LRRC1: variants seen among roughly 807,000 people sequenced by gnomAD.
The protein encoded by LRRC1 is leucine-rich repeat-containing protein 1.
In LRRC1, 28 loss-of-function variants were observed where a neutral mutation model predicts 69.9. That is an observed-to-expected ratio of 0.40 (90% CI 0.30 to 0.55). LRRC1 has a LOEUF of 0.55. Ranked by LOEUF, LRRC1 falls within the 20% of genes least tolerant of loss-of-function variation. LRRC1 has a pLI of 0.47. For synonymous variants in LRRC1, 236 were observed against 240.2 expected (o/e 0.98, Z 0.16); for missense variants, 498 against 609.0 (o/e 0.82, Z 1.92).
chr6:53,901,727 G>C (rs1768063155), intron 8 of LRRC1, among the ~76,000 whole-genome samples: 1 of 152,222 alleles, frequency 6.6e-6, no homozygotes, highest in African/African-American at 2.4e-5. Context: ...TGCAGAAAAT[G>C]CTAGTGGATC....
intron 10 of LRRC1, among the ~76,000 whole-genome samples, chr6:53,907,469 T>C (rs968088525): frequency 1.3e-5 from 2 of 152,252 alleles, no homozygotes; most frequent in Non-Finnish European, 2.9e-5. Context: ...GTTTGTACCA[T>C]GTGGGTCACA....
chr6:53,814,724 A>C (rs192833445), intron 1 of LRRC1, among the ~76,000 whole-genome samples: 1 of 152,358 alleles, frequency 6.6e-6, no homozygotes, highest in Admixed American at 6.5e-5. Context: ...CATTTCAGTT[A>C]GACCTTTGGT....
At chr6:53,803,368 A>G (rs1764541723) in intron 1 of LRRC1, among the ~76,000 whole-genome samples, 1 of 152,172 alleles carries the variant, frequency 6.6e-6, no homozygotes, top group South Asian at 2.1e-4. Flanking sequence ...CACCTATTTT[A>G]GGACTCTACC....
In LRRC1 at chr6:53,814,385, C is replaced by G. The variant is rs138043783; in HGVS notation, c.159+18970C>G. On this transcript the variant is annotated intron_variant, in intron 1 of 13. Coordinates refer to ENST00000370888, the MANE Select transcript of LRRC1 (RefSeq NM_018214.5). The stretch of plus-strand genomic sequence containing the variant: ...CTCAAATTTCAAAACACCATTGAAC[C>G]TCTTTGGGAATTATCCTCATGCCAC... Among the ~76,000 whole-genome samples the G allele has an allele frequency of 2.0e-3, 299 of 152,300 alleles. 4 individuals carry two copies. The East Asian group carries it at 0.041, about 21-fold the overall frequency.
chr6:53,886,583 A>T (rs574933335), intron 4 of LRRC1, among the ~76,000 whole-genome samples: 16 of 152,288 alleles, frequency 1.1e-4, no homozygotes, highest in African/African-American at 3.4e-4. Context: ...GTGCATTTGT[A>T]TGATTTTCAT....
intron 2 of LRRC1, among the ~76,000 whole-genome samples, chr6:53,862,289 G>A: frequency 1.7e-4 from 1 of 5,984 alleles, no homozygotes; most frequent in East Asian, 0.017. Flanking sequence ...CCTGAATCGT[G>A]TGTGTGTGTG....
chr6:53,799,438 C>T (rs1764402560), intron 1 of LRRC1, among the ~76,000 whole-genome samples: 1 of 152,160 alleles, frequency 6.6e-6, no homozygotes, highest in Non-Finnish European at 1.5e-5. Context: ...GGTAGATGGG[C>T]CCTGTTTCTT....
In LRRC1 at chr6:53,840,884, TTGTGTGTGTGTGTGTGTGTG is replaced by T. The variant is rs57491487; in HGVS notation, c.160-1201_160-1182del. 8.8e-5 allele frequency among the ~76,000 whole-genome samples: 11 copies of T among 125,298 alleles called. No homozygotes were observed. The East Asian group carries it at 1.7e-3, about 19-fold the overall frequency. The allele number at this position is 125,298 out of a possible 152,430, so 82.2% of individuals were successfully genotyped here. On this transcript the variant is annotated intron_variant, in intron 1 of 13. Coordinates refer to ENST00000370888, the MANE Select transcript of LRRC1 (RefSeq NM_018214.5). Reference sequence around the variant, plus strand: ...TCCTCTGGGGTGGGGGGGTATGTGTTTGTGTGTGTGTGTGTGTGTGTGTGTGTGTGTGTGTGTGTGTGTGC... The same window carrying T: ...TCCTCTGGGGTGGGGGGGTATGTGTTTGTGTGTGTGTGTGTGTGTGTGTGC...
intron 11 of LRRC1, chr6:53,919,290 A>T: frequency 7.3e-6 from 1 of 136,780 alleles, no homozygotes; most frequent in East Asian, 1.9e-4. Context: ...GGGAGAAGTG[A>T]GAGCAGAAAA....
chr6:53,833,404 A>ATAATG (rs1765488526), intron 1 of LRRC1, among the ~76,000 whole-genome samples: 1 of 152,210 alleles, frequency 6.6e-6, no homozygotes, highest in Admixed American at 6.5e-5. Flanking sequence ...ATTAATGGTG[A>ATAATG]CAGCTTAATA....
At chr6:53,845,573 C>T (rs1047582220) in intron 2 of LRRC1, among the ~76,000 whole-genome samples, 14 of 152,140 alleles carry the variant, frequency 9.2e-5, no homozygotes, top group African/African-American at 2.7e-4. Context: ...GTCCCTGCCC[C>T]GCCTCAGTGG....
At chr6:53,823,677 G>GT (rs1765176452) in intron 1 of LRRC1, among the ~76,000 whole-genome samples, 1 of 152,080 alleles carries the variant, frequency 6.6e-6, no homozygotes, top group African/African-American at 2.4e-5. Context: ...GTAGGCCCCA[G>GT]TATCTATTGT....
At chr6:53,861,852 T>C (rs1383490636) in intron 2 of LRRC1, among the ~76,000 whole-genome samples, 1 of 151,902 alleles carries the variant, frequency 6.6e-6, no homozygotes, top group Admixed American at 6.5e-5. Flanking sequence ...GGAGAACACA[T>C]AGTAGGATGT....
Position 53,892,011 on chromosome 6 carries a change from TACACACACACAC to T in LRRC1, c.447-4461_447-4450del, listed in dbSNP as rs70980877. 7.4e-5 allele frequency among the ~76,000 whole-genome samples: 10 copies of T among 135,376 alleles called. No individual in the cohort carries two copies. In the South Asian group the frequency reaches 7.5e-4, roughly 10 times the overall value. The allele number at this position is 135,376 out of a possible 152,430, so 88.8% of individuals were successfully genotyped here. ...TGTCTAAAAAAAAAATATATATATA[TACACACACACAC>T]ACACACACACACACACACACACACA... is the stretch of plus-strand genomic sequence containing the variant. On this transcript the variant is annotated intron_variant, in intron 4 of 13. Transcript: ENST00000370888.
chr6:53,902,452 T>C (rs1253304510), intron 8 of LRRC1, among the ~76,000 whole-genome samples, 177 bp from the exon 9 acceptor site: 2 of 152,220 alleles, frequency 1.3e-5, no homozygotes, highest in East Asian at 3.8e-4. Context: ...CAAATTATTT[T>C]AACTCCCAAC....
At chr6:53,855,058 GGTGA>G (rs1766267358) in intron 2 of LRRC1, among the ~76,000 whole-genome samples, 1 of 152,312 alleles carries the variant, frequency 6.6e-6, no homozygotes, top group African/African-American at 2.4e-5. Context: ...TGAAGAAAGA[GGTGA>G]GTAAGCAGTT....
Position 53,922,771 on chromosome 6 carries a change from A to G in LRRC1, c.1553A>G (p.Asp518Gly). Residue 518 changes from aspartate to glycine, a missense_variant, in exon 14 of 14, where the codon GAC becomes GGC. Asp to Gly is a moderately conservative substitution (Grantham distance 94). Coordinates refer to ENST00000370888, the MANE Select transcript of LRRC1 (RefSeq NM_018214.5). ...AAAAACGAGGTCAATCATGCCATTG[A>G]CCGAGTGACCACTTCTGTGTAGAGT... Reference protein sequence around the residue: ...SNKNEVNHAIDRVTTSV With the variant: ...SNKNEVNHAIGRVTTSV 1.9e-6 allele frequency: 3 copies of G among 1,613,972 alleles called. No individual in the cohort carries two copies. The highest frequency in any genetic ancestry group is 8.5e-7 in the Non-Finnish European group (1 of 1,179,892).
chr6:53,802,805 T>A (rs1165818223), intron 1 of LRRC1, among the ~76,000 whole-genome samples: 1 of 152,204 alleles, frequency 6.6e-6, no homozygotes, highest in East Asian at 1.9e-4. Flanking sequence ...GAGGATGCTT[T>A]CAAAGACAAA....
intron 4 of LRRC1, among the ~76,000 whole-genome samples, chr6:53,890,697 G>C (rs528803354): frequency 6.6e-6 from 1 of 152,226 alleles, no homozygotes; most frequent in Non-Finnish European, 1.5e-5. Flanking sequence ...CAAAGCCACC[G>C]TAAGAAAGTT....
Sources: gnomAD v4.1 joint callset for allele counts (sites outside exome capture counted in the v4.1 genomes callset) on GRCh38, gnomAD v4.1.1 for gene constraint, MANE v1.5 for transcripts, NCBI Gene and HGNC (gene_info 2026-07-23, HGNC 2026-07-21) for gene names.